The following RBFOX1 variants were observed in gnomAD, a reference collection of about 807,000 sequenced individuals.
RBFOX1 encodes the protein RNA binding protein fox-1 homolog 1.
Under a neutral mutation model 57.7 loss-of-function variants are expected in RBFOX1, and 8 were observed. The ratio of observed to expected loss-of-function variants is 0.14; its 90% CI spans 0.08 to 0.25. The LOEUF (loss-of-function observed/expected upper bound fraction) is 0.25, where lower values mean the gene tolerates loss of function less well. RBFOX1 is among the 10% of genes least tolerant of loss of function. The pLI is 1.00. For missense variants in RBFOX1, 611 were observed against 548.5 expected, an observed-to-expected ratio of 1.11 and a Z score of -1.14; for synonymous variants, 326 against 222.4, an observed-to-expected ratio of 1.47 and a Z score of -4.15.
chr16:6,146,633 G>A (rs2096760375), intron 1 of RBFOX1, among the ~76,000 whole-genome samples: 1 of 152,154 alleles, frequency 6.6e-6, no homozygotes, highest in African/African-American at 2.4e-5. Context: ...AAGTCCTTAG[G>A]ACGATGCTGG....
At chr16:7,156,184 T>G (rs1374016177) in intron 4 of RBFOX1, among the ~76,000 whole-genome samples, 4 of 151,606 alleles carry the variant, frequency 2.6e-5, no homozygotes, top group African/African-American at 9.7e-5. Flanking sequence ...CCTCAACTCT[T>G]GATTCCTTTC....
intron 4 of RBFOX1, among the ~76,000 whole-genome samples, chr16:7,482,137 C>A (rs138374980): frequency 2.6e-5 from 4 of 152,146 alleles, no homozygotes; most frequent in African/African-American, 9.7e-5. Flanking sequence ...ATAGTCATAA[C>A]AATAATATTT....
Position 6,799,875 on chromosome 16 carries a change from C to T in RBFOX1, c.-16+145225C>T, listed in dbSNP as rs922508312. 9.9e-5 allele frequency among the ~76,000 whole-genome samples: 15 copies of T among 152,070 alleles called. 1 individual carries two copies. The highest frequency in any genetic ancestry group is 4.2e-4 in the South Asian group (2 of 4,806). On this transcript the variant is annotated intron_variant, in intron 3 of 15. Coordinates refer to ENST00000550418, the MANE Select transcript of RBFOX1 (RefSeq NM_018723.4). ...TCCCTGCTTTTAAGGTTTCGGGACTCGGAGTGAGTCATTACTGGCTTCCTT... is the reference window on the plus strand; with the variant it reads ...TCCCTGCTTTTAAGGTTTCGGGACTTGGAGTGAGTCATTACTGGCTTCCTT...
intron 4 of RBFOX1, among the ~76,000 whole-genome samples, chr16:7,294,499 A>C (rs145912771): frequency 5.7e-4 from 86 of 151,676 alleles, no homozygotes; most frequent in Non-Finnish European, 8.7e-4. Context: ...TTTTGCCAGA[A>C]ATGATGATAG....
At chr16:5,490,792 C>T (rs964287281) in intron 2 of RBFOX1, among the ~76,000 whole-genome samples, 3 of 152,120 alleles carry the variant, frequency 2.0e-5, no homozygotes, top group African/African-American at 7.2e-5. Context: ...GAAGTGCATC[C>T]GCCTCTGCAC....
At chr16:7,104,969 G>T (rs1276690907) in intron 4 of RBFOX1, among the ~76,000 whole-genome samples, 1 of 151,330 alleles carries the variant, frequency 6.6e-6, no homozygotes, top group South Asian at 2.1e-4. Flanking sequence ...TTCTGTGCTT[G>T]TGTGTGTGTC....
At chr16:6,223,171 G>A (rs1391826529) in intron 1 of RBFOX1, among the ~76,000 whole-genome samples, 1 of 150,854 alleles carries the variant, frequency 6.6e-6, no homozygotes, top group Admixed American at 6.6e-5. Context: ...ACGTGTGCAT[G>A]TGTCTTTATA....
At chr16:5,650,468 A>G (rs191530221) in intron 3 of RBFOX1, among the ~76,000 whole-genome samples, 29 of 152,314 alleles carry the variant, frequency 1.9e-4, no homozygotes, top group Non-Finnish European at 3.4e-4. Flanking sequence ...GAAATGGAAA[A>G]TAAAGCAGTG....
At chr16:7,067,121 G>T (rs563983406) in intron 4 of RBFOX1, among the ~76,000 whole-genome samples, 1 of 152,298 alleles carries the variant, frequency 6.6e-6, no homozygotes, top group South Asian at 2.1e-4. Context: ...TATGCCAGCG[G>T]CAGCCTTCCA....
chr16:6,980,770 C>T (rs1180764707), intron 3 of RBFOX1, among the ~76,000 whole-genome samples: 1 of 152,118 alleles, frequency 6.6e-6, no homozygotes, highest in East Asian at 1.9e-4. Flanking sequence ...GGAGCAGGTA[C>T]AGTAGCTCAT....
chr16:5,717,738 C>G (rs140711492), intron 3 of RBFOX1, among the ~76,000 whole-genome samples: 3 of 152,322 alleles, frequency 2.0e-5, no homozygotes, highest in African/African-American at 7.2e-5. Context: ...GCTTCGGTAA[C>G]TACCAATAAC....
chr16:6,712,301 C>T (rs890930836), intron 3 of RBFOX1, among the ~76,000 whole-genome samples: 1 of 152,160 alleles, frequency 6.6e-6, no homozygotes, highest in Non-Finnish European at 1.5e-5. Context: ...AACCTTCTGT[C>T]ATCTGGGTCT....
At chr16:6,076,464 C>T (rs192004436) in intron 1 of RBFOX1, among the ~76,000 whole-genome samples, 3 of 152,146 alleles carry the variant, frequency 2.0e-5, no homozygotes, top group Admixed American at 1.3e-4. Context: ...TTGCATCAGC[C>T]TTGCCTGTTT....
At chr16:6,542,890 C>G (rs899708246) in intron 2 of RBFOX1, among the ~76,000 whole-genome samples, 1 of 152,062 alleles carries the variant, frequency 6.6e-6, no homozygotes, top group Non-Finnish European at 1.5e-5. Context: ...TTGACTTCCT[C>G]TGGGTACATT....
chr16:7,504,745 AT>A lies in RBFOX1; in HGVS notation c.28-13401del, dbSNP rs2072417286. Among the ~76,000 whole-genome samples, 2 of 12,070 alleles carry A rather than the reference AT, an allele frequency of 1.7e-4. 1 individual carries two copies. Among genetic ancestry groups the A allele is most frequent in the Non-Finnish European group, 4.0e-4 (2 of 5,044 alleles). 7.9% of individuals were successfully genotyped at this position (12,070 alleles called of 152,430 possible). A position where few individuals can be genotyped will look rare whatever the true frequency, so the allele number is the denominator to read the frequency against. ...TATATATATATATATATATATATATATATATATATTTATATATATATATATT... is the reference window on the plus strand; with the variant it reads ...TATATATATATATATATATATATATAATATATATTTATATATATATATATT... On this transcript the variant is annotated intron_variant, in intron 4 of 15. Transcript: ENST00000550418.
intron 2 of RBFOX1, among the ~76,000 whole-genome samples, chr16:5,478,500 A>G (rs1295317868): frequency 1.3e-5 from 2 of 152,224 alleles, no homozygotes; most frequent in Admixed American, 6.5e-5. Flanking sequence ...CAAATCATCA[A>G]GCATTTAGAA....
intron 3 of RBFOX1, among the ~76,000 whole-genome samples, chr16:5,713,394 C>T (rs554348277): frequency 6.6e-6 from 1 of 152,226 alleles, no homozygotes; most frequent in South Asian, 2.1e-4. Context: ...GCCATTTGAA[C>T]CATAGAGATT....
chr16:6,004,934 AGTCTT>A (rs2060667040), intron 4 of RBFOX1, among the ~76,000 whole-genome samples: 1 of 152,224 alleles, frequency 6.6e-6, no homozygotes, highest in Admixed American at 6.5e-5. Flanking sequence ...TCACATGCAC[AGTCTT>A]GTCTTAAACC....
chr16:6,855,297 C>G (rs967185062), intron 3 of RBFOX1, among the ~76,000 whole-genome samples: 2 of 151,940 alleles, frequency 1.3e-5, no homozygotes, highest in African/African-American at 4.8e-5. Flanking sequence ...GTATACAGGT[C>G]TGAGATAGCC....
Sources: allele counts gnomAD v4.1 joint callset (sites outside exome capture counted in the v4.1 genomes callset), GRCh38; gene constraint gnomAD v4.1.1; transcripts MANE v1.5; gene names NCBI Gene and HGNC (gene_info 2026-07-23, HGNC 2026-07-21).